Variants in ATXN1 observed in about 807,000 individuals in gnomAD.
ATXN1 encodes ataxin 1.
A neutral mutation model predicts 56.4 loss-of-function variants in ATXN1; 8 were observed. The observed-to-expected ratio is 0.14, with a 90% CI of 0.08 to 0.26. The LOEUF (loss-of-function observed/expected upper bound fraction) is 0.26. Among genes scored for constraint, ATXN1 ranks in the 10% least tolerant of loss-of-function variants. The probability of loss-of-function intolerance (pLI) is 1.00; values close to 1 mark genes in which losing one functional copy is unlikely to be tolerated. For synonymous variants in ATXN1, 514 were observed against 494.6 expected (o/e 1.04, Z -0.52); for missense variants, 987 against 1,106.5 (o/e 0.89, Z 1.53).
At chr6:16,417,353 A>C (rs372509954) in intron 6 of ATXN1, among the ~76,000 whole-genome samples, 1 of 151,876 alleles carries the variant, frequency 6.6e-6, no homozygotes, top group East Asian at 1.9e-4. Context: ...AATAATTTCC[A>C]AGTTATGGCT....
intron 6 of ATXN1, among the ~76,000 whole-genome samples, chr6:16,334,074 A>C (rs1761056343): frequency 6.6e-6 from 1 of 152,220 alleles, no homozygotes; most frequent in South Asian, 2.1e-4. Flanking sequence ...TGTCAGTGTG[A>C]AGCAAATGGT....
intron 3 of ATXN1, among the ~76,000 whole-genome samples, chr6:16,639,868 A>T (rs1763675999): frequency 6.6e-6 from 1 of 152,240 alleles, no homozygotes; most frequent in Admixed American, 6.5e-5. Context: ...TCTGAGTAAT[A>T]GCACCAGAAG....
chr6:16,597,623 C>A (rs1204631355), intron 3 of ATXN1, among the ~76,000 whole-genome samples: 2 of 151,918 alleles, frequency 1.3e-5, no homozygotes, highest in Non-Finnish European at 2.9e-5. Flanking sequence ...TATTTTCAGT[C>A]GAGACGGGGT....
chr6:16,469,180 TTGTC>T (rs907909953), intron 6 of ATXN1, among the ~76,000 whole-genome samples: 1 of 152,228 alleles, frequency 6.6e-6, no homozygotes, highest in Admixed American at 6.5e-5. Context: ...TTATTGAAAG[TTGTC>T]TGTGACATTC....
chr6:16,526,686 A>G (rs1468595914), intron 4 of ATXN1, among the ~76,000 whole-genome samples: 3 of 149,970 alleles, frequency 2.0e-5, no homozygotes, highest in African/African-American at 7.4e-5. Context: ...GATCACTTGA[A>G]CCCGGGAGGT....
intron 5 of ATXN1, among the ~76,000 whole-genome samples, chr6:16,511,671 C>A (rs1651928394): frequency 6.6e-6 from 1 of 152,146 alleles, no homozygotes; most frequent in Non-Finnish European, 1.5e-5. Context: ...ATTGCTTGAG[C>A]CCAGGAATTC....
chr6:16,515,531 C>T (rs563594639), intron 5 of ATXN1, among the ~76,000 whole-genome samples: 48 of 152,138 alleles, frequency 3.2e-4, no homozygotes, highest in Non-Finnish European at 6.2e-4. Flanking sequence ...ATAATACACA[C>T]GTAGCGAATG....
At chr6:16,367,231 C>T (rs529347020) in intron 6 of ATXN1, among the ~76,000 whole-genome samples, 2 of 152,082 alleles carry the variant, frequency 1.3e-5, no homozygotes, top group African/African-American at 2.4e-5. Flanking sequence ...GGTAACACTG[C>T]GTATGCTGAT....
At chr6:16,350,205 G>A (rs1488108599) in intron 6 of ATXN1, among the ~76,000 whole-genome samples, 1 of 152,200 alleles carries the variant, frequency 6.6e-6, no homozygotes, top group Non-Finnish European at 1.5e-5. Flanking sequence ...TACTAGCACT[G>A]TGGACGTGGA....
chr6:16,504,993 C>CTTTTTTTTTTTTTTTTTTTTT lies in ATXN1; in HGVS notation c.-299+17633_-299+17634insAAAAAAAAAAAAAAAAAAAAA, dbSNP rs34197922. 1.9e-4 allele frequency among the ~76,000 whole-genome samples: 26 copies of CTTTTTTTTTTTTTTTTTTTTT among 135,278 alleles called. 1 individual carries two copies. The highest frequency in any genetic ancestry group is 6.9e-4 in the African/African-American group (24 of 35,028). The allele number at this position is 135,278 out of a possible 152,430, so 88.7% of individuals were successfully genotyped here. ...CTCCTGCAATCAGCTCTCCTGTTTC[C>CTTTTTTTTTTTTTTTTTTTTT]TTTTTTTTTTTTTTTTTAGCTTTAG... is the stretch of plus-strand genomic sequence containing the variant. On this transcript the variant is annotated intron_variant, in intron 5 of 7. Coordinates refer to ENST00000436367, the MANE Select transcript of ATXN1 (RefSeq NM_001128164.2).
chr6:16,707,842 T>C (rs1212584236), intron 2 of ATXN1, among the ~76,000 whole-genome samples: 1 of 152,042 alleles, frequency 6.6e-6, no homozygotes, highest in Non-Finnish European at 1.5e-5. Flanking sequence ...GTATAAATGC[T>C]ACAAGAATAA....
At chr6:16,474,441 A>C (rs1760285242) in intron 6 of ATXN1, among the ~76,000 whole-genome samples, 1 of 152,214 alleles carries the variant, frequency 6.6e-6, no homozygotes, top group Non-Finnish European at 1.5e-5. Context: ...TCTCTCAGGC[A>C]AACCAGCCTT....
intron 6 of ATXN1, among the ~76,000 whole-genome samples, chr6:16,343,070 C>A (rs924357351): frequency 6.6e-6 from 1 of 152,154 alleles, no homozygotes; most frequent in Non-Finnish European, 1.5e-5. Flanking sequence ...CATGGCTGGG[C>A]GCGTTGGCTC....
At position 16,421,108 on chromosome 6, in the gene ATXN1, C is replaced by A. The variant is rs117042012; in HGVS notation, c.-161+64864G>T. ...GGAATTCAGAAGAAGTACATTAGGA[C>A]AGAGGGGCAGCTTTGTATTTATTTA... is the stretch of plus-strand genomic sequence containing the variant. On this transcript the variant is annotated intron_variant, in intron 6 of 7. Coordinates refer to ENST00000436367, the MANE Select transcript of ATXN1 (RefSeq NM_001128164.2). 6.9e-3 allele frequency among the ~76,000 whole-genome samples: 1,053 copies of A among 152,296 alleles called. 45 individuals are homozygous for A. The highest frequency in any genetic ancestry group is 0.06 in the Admixed American group (922 of 15,304).
At chr6:16,378,219 T>C (rs1287123347) in intron 6 of ATXN1, among the ~76,000 whole-genome samples, 1 of 152,232 alleles carries the variant, frequency 6.6e-6, no homozygotes, top group Non-Finnish European at 1.5e-5. Flanking sequence ...ACTCAGAACA[T>C]TAACTGATTG....
chr6:16,383,718 A>T (rs1758180997), intron 6 of ATXN1, among the ~76,000 whole-genome samples: 1 of 152,174 alleles, frequency 6.6e-6, no homozygotes, highest in Non-Finnish European at 1.5e-5. Context: ...CAAAGGGATG[A>T]TGGAATGGAG....
intron 4 of ATXN1, among the ~76,000 whole-genome samples, chr6:16,552,917 C>T (rs1203464087): frequency 6.6e-6 from 1 of 152,230 alleles, no homozygotes; most frequent in African/African-American, 2.4e-5. Flanking sequence ...GGCTGCTCCA[C>T]GTATTTCCGA....
chr6:16,367,435 A>G (rs535963942), intron 6 of ATXN1, among the ~76,000 whole-genome samples: 1 of 152,210 alleles, frequency 6.6e-6, no homozygotes, highest in Non-Finnish European at 1.5e-5. Flanking sequence ...ATGCCTGGAA[A>G]TACAATCCTA....
At position 16,694,843 on chromosome 6, in the gene ATXN1, A is replaced by G. The variant is rs115292247; in HGVS notation, c.-614-36942T>C. On this transcript the variant is annotated intron_variant, in intron 2 of 7. Coordinates refer to ENST00000436367, the MANE Select transcript of ATXN1 (RefSeq NM_001128164.2). ...ATTTTTAGACAGTCCTGATTGCCAGAATGTTCCTCCTCAAGTGGAGTCGAA... is the reference window on the plus strand; with the variant it reads ...ATTTTTAGACAGTCCTGATTGCCAGGATGTTCCTCCTCAAGTGGAGTCGAA... Among the ~76,000 whole-genome samples the G allele has an allele frequency of 2.6e-3, 392 of 152,286 alleles. 1 individual carries two copies. Among genetic ancestry groups the G allele is most frequent in the African/African-American group, 8.8e-3 (366 of 41,564 alleles).
Sources: allele counts gnomAD v4.1 joint callset (sites outside exome capture counted in the v4.1 genomes callset), GRCh38; gene constraint gnomAD v4.1.1; transcripts MANE v1.5; gene names NCBI Gene and HGNC (gene_info 2026-07-23, HGNC 2026-07-21).